The following SACS variants were observed in gnomAD, a reference collection of about 807,000 sequenced individuals.
SACS encodes sacsin.
In SACS, 197 loss-of-function variants were observed where a neutral mutation model predicts 348.0. That is an observed-to-expected ratio of 0.57 (90% CI 0.50 to 0.64). The LOEUF is 0.64. Among genes scored for constraint, SACS ranks in the 30% least tolerant of loss-of-function variants. SACS has a pLI of 0.00. For missense variants in SACS, 4,999 were observed against 5,360.8 expected, an observed-to-expected ratio of 0.93 and a Z score of 2.11; for synonymous variants, 1,985 against 1,910.6, an observed-to-expected ratio of 1.04 and a Z score of -1.02.
In SACS at chr13:23,339,228, C is replaced by T; in HGVS notation, c.4648G>A (p.Val1550Ile). The T allele has an allele frequency of 1.2e-6, 2 of 1,609,360 alleles. No homozygotes were observed. The highest frequency in any genetic ancestry group is 1.7e-6 in the Non-Finnish European group (2 of 1,178,136). ...AGACCAAATTTTCCAACTTTGTCAA[C>T]TTCTCCCCTTTTTAAAGATTCTCCT... ...RLGESLKRGE[V>I]DKVGKFGLGF... is the part of the protein sequence containing the mutation. Residue 1550 changes from valine (V) to isoleucine (I), a missense_variant, in exon 10 of 10, where the codon GTT becomes ATT. Val to Ile is a conservative substitution (Grantham distance 29). Transcript: ENST00000382292.
chr13:23,361,087 C>T (rs937828689), intron 6 of SACS, among the ~76,000 whole-genome samples: 1 of 152,050 alleles, frequency 6.6e-6, no homozygotes, highest in African/African-American at 2.4e-5. Flanking sequence ...TGTCTCTCAC[C>T]CTACAACGTC....
At chr13:23,410,727 T>C (rs1389197818) in intron 2 of SACS, among the ~76,000 whole-genome samples, 2 of 152,098 alleles carry the variant, frequency 1.3e-5, no homozygotes, top group Non-Finnish European at 2.9e-5. Context: ...AATAAGCATA[T>C]ATTCTTATAA....
intron 5 of SACS, 66 bp from the exon 6 acceptor site, chr13:23,365,343 TTATC>T: frequency 3.4e-6 from 3 of 891,466 alleles, no homozygotes; most frequent in Non-Finnish European, 5.2e-6. Context: ...ATCTTTGTAT[TTATC>T]TATAATATTT....
chr13:23,423,115 G>A (rs1874022551), intron 1 of SACS, among the ~76,000 whole-genome samples: 1 of 152,092 alleles, frequency 6.6e-6, no homozygotes, highest in Non-Finnish European at 1.5e-5. Flanking sequence ...GTGAGCAGAA[G>A]CTTTGTGATT....
At position 23,330,665 on chromosome 13, in the gene SACS, T is replaced by A. The variant is rs760534745; in HGVS notation, c.13211A>T (p.Glu4404Val). ...FQRFYTSWNQEATSHKSERQQ... is the reference protein window; with the variant it reads ...FQRFYTSWNQVATSHKSERQQ... ...TCTTTCAGATTTATGGCTCGTTGCT[T>A]CTTGATTCCATGAAGTATAGAATCT... The change falls in exon 10 of 10, where the codon GAA becomes GTA. Residue 4404 changes from glutamate to valine, a missense_variant. Transcript: ENST00000382292. 1.2e-6 allele frequency: 2 copies of A among 1,614,118 alleles called. No homozygotes were observed. Among genetic ancestry groups the A allele is most frequent in the Non-Finnish European group, 1.7e-6 (2 of 1,180,006 alleles).
At position 23,375,257 on chromosome 13, in the gene SACS, C is replaced by A; in HGVS notation, c.33G>T (p.Val11=). ...AGCCCACGCAGCCGGGGAGCACGGTCACCGGGACCCACCTGTGGAAAGCAG... is the reference window on the plus strand; with the variant it reads ...AGCCCACGCAGCCGGGGAGCACGGTAACCGGGACCCACCTGTGGAAAGCAG... The part of the protein sequence containing the change: METKENRWVP[V]TVLPGCVGCR... The change falls in exon 3 of 10, where the codon GTG becomes GTT. Residue 11 remains valine (V), a synonymous_variant. Coordinates refer to ENST00000382292, the MANE Select transcript of SACS (RefSeq NM_014363.6). 6.8e-7 allele frequency: 1 copy of A among 1,473,232 alleles called. No homozygotes were observed. Among genetic ancestry groups the A allele is most frequent in the Non-Finnish European group, 9.0e-7 (1 of 1,108,660 alleles). 91.3% of individuals were successfully genotyped at this position (1,473,232 alleles called of 1,614,324 possible). A position where few individuals can be genotyped will look rare whatever the true frequency, so the allele number is the denominator to read the frequency against.
intron 1 of SACS, among the ~76,000 whole-genome samples, chr13:23,429,329 A>T (rs945930730): frequency 7.6e-6 from 1 of 132,418 alleles, no homozygotes; most frequent in Non-Finnish European, 1.6e-5. Context: ...ACTGTGATTC[A>T]GTCGTTGAGG....
rs774907744 is a variant in SACS at position 23,336,630 on chromosome 13, T to C, written c.7246A>G (p.Ile2416Val). The change falls in exon 10 of 10, where the codon ATA becomes GTA. Residue 2416 changes from isoleucine to valine, a missense_variant. Ile to Val is a conservative substitution (Grantham distance 29). Around this residue, in one of 6 missense-constraint regions of SACS, gnomAD observed 3,156 missense variants for 3,380.1 expected, o/e 0.93. Coordinates refer to ENST00000382292, the MANE Select transcript of SACS (RefSeq NM_014363.6). ...SIDQERGTKQ[I>V]TEENFQLCRR... ...CAAAGCTGAAAATTCTCTTCTGTTA[T>C]TTGCTTTGTTCCTCTTTCTTGATCA... 24 of 1,613,732 alleles carry C rather than the reference T, an allele frequency of 1.5e-5. No homozygotes were observed. The highest frequency in any genetic ancestry group is 1.9e-5 in the Non-Finnish European group (23 of 1,179,878).
At chr13:23,375,934 A>T (rs1871777132) in intron 2 of SACS, among the ~76,000 whole-genome samples, 1 of 152,016 alleles carries the variant, frequency 6.6e-6, no homozygotes. Context: ...GTCTCCTTGA[A>T]CTCTAATGAC....
At chr13:23,343,154 G>A (rs1163702742) in intron 9 of SACS, among the ~76,000 whole-genome samples, 1 of 152,158 alleles carries the variant, frequency 6.6e-6, no homozygotes, top group Non-Finnish European at 1.5e-5. Context: ...ATTTCCTTGG[G>A]TTGAAGGGGG....
Position 23,337,389 on chromosome 13 carries a change from T to C in SACS, c.6487A>G (p.Met2163Val), listed in dbSNP as rs1868732872. The C allele has an allele frequency of 6.2e-7, 1 of 1,613,460 alleles. No homozygotes were observed. Among genetic ancestry groups the C allele is most frequent in the Non-Finnish European group, 8.5e-7 (1 of 1,179,764 alleles). ...MAKDDILWDD[M>V]LERAVSVAEI... ...GCTACTGACACTGCACGTTCTAGCA[T>C]ATCATCCCATAAAATATCATCTTTT... The change falls in exon 10 of 10, where the codon ATG (methionine) becomes GTG (valine). Residue 2163 changes from methionine (M) to valine (V), a missense_variant. This residue lies in a region of SACS where 3,156 missense variants were observed against 3,380.1 expected (regional missense o/e 0.93). Coordinates refer to ENST00000382292, the MANE Select transcript of SACS (RefSeq NM_014363.6).
rs1883622049 is a variant in SACS, at chr13:23,333,456, G to C, written c.10420C>G (p.Leu3474Val). The stretch of plus-strand genomic sequence containing the variant: ...AAGAGGTGTTTCAAATATACCTCAA[G>C]ATCATCTACAGGTACACAACCAATC... Reference protein sequence around the residue: ...EVIGCVPVDDLEVYLKHLLPK... With the variant: ...EVIGCVPVDDVEVYLKHLLPK... Residue 3474 changes from leucine (L) to valine (V), a missense_variant, in exon 10 of 10, where the codon CTT becomes GTT. By Grantham distance (32) the Leu-to-Val change is conservative. Transcript: ENST00000382292. 2 of 1,611,896 alleles carry C rather than the reference G, an allele frequency of 1.2e-6. No homozygotes were observed. The highest frequency in any genetic ancestry group is 2.7e-5 in the African/African-American group (2 of 74,844).
intron 1 of SACS, among the ~76,000 whole-genome samples, chr13:23,421,788 C>A (rs753180230): frequency 1.3e-5 from 2 of 151,942 alleles, no homozygotes; most frequent in African/African-American, 2.4e-5. Flanking sequence ...GCGTGGTGTT[C>A]ACCAGGGGCC....
Position 23,333,879 on chromosome 13 carries a change from C to G in SACS, c.9997G>C (p.Ala3333Pro). The G allele has an allele frequency of 3.1e-6, 5 of 1,613,802 alleles. No individual in the cohort carries two copies. Among genetic ancestry groups the G allele is most frequent in the Non-Finnish European group, 4.2e-6 (5 of 1,179,816 alleles). The change falls in exon 10 of 10, where the codon GCT (alanine) becomes CCT (proline). Residue 3333 changes from alanine (A) to proline (P), a missense_variant. Physicochemically the swap from Ala to Pro is conservative, Grantham distance 27. Coordinates refer to ENST00000382292, the MANE Select transcript of SACS (RefSeq NM_014363.6). ...ALMKAGCIQL[A>P]LNKICSKDSA... The stretch of plus-strand genomic sequence containing the variant: ...TCTTTGGAACAGATTTTGTTCAAAG[C>G]AAGCTGAATACAGCCAGCTTTCATT...
intron 1 of SACS, among the ~76,000 whole-genome samples, chr13:23,430,205 C>A (rs1421330909): frequency 6.7e-6 from 1 of 149,410 alleles, no homozygotes; most frequent in African/African-American, 2.5e-5. Context: ...TAGACAACAT[C>A]TCAAAAAAAA....
chr13:23,362,167 C>A (rs1045333273), intron 6 of SACS, among the ~76,000 whole-genome samples: 1 of 152,146 alleles, frequency 6.6e-6, no homozygotes, highest in African/African-American at 2.4e-5. Context: ...GGTCTGTGTG[C>A]ATCACTCAGA....
intron 9 of SACS, among the ~76,000 whole-genome samples, chr13:23,346,143 G>A (rs1050378948): frequency 1.3e-5 from 2 of 152,094 alleles, no homozygotes; most frequent in African/African-American, 4.8e-5. Flanking sequence ...CTTTTTGTTT[G>A]TTTTTGTTTT....
At chr13:23,375,684 C>G (rs559226609) in intron 2 of SACS, 1 of 517,370 alleles carries the variant, frequency 1.9e-6, no homozygotes, top group African/African-American at 2.1e-5. Flanking sequence ...GAACGCCCAT[C>G]CAGGCCCCGC....
chr13:23,399,397 TTACTTCTGGC>T (rs1872856265), intron 2 of SACS, among the ~76,000 whole-genome samples: 1 of 152,178 alleles, frequency 6.6e-6, no homozygotes, highest in Non-Finnish European at 1.5e-5. Context: ...GAGTCCTCTT[TTACTTCTGGC>T]TACCCATTCT....
Sources: allele counts gnomAD v4.1 joint callset (sites outside exome capture counted in the v4.1 genomes callset), GRCh38; gene constraint gnomAD v4.1.1; regional missense constraint gnomAD v4.1.1; transcripts MANE v1.5; gene names NCBI Gene and HGNC (gene_info 2026-07-23, HGNC 2026-07-21).